Variants in ACVRL1 observed in about 807,000 individuals in gnomAD.
ACVRL1 encodes the protein activin receptor type-1-like.
ACVRL1 carries 20 observed loss-of-function variants against 51.9 expected under a neutral mutation model. That is an observed-to-expected ratio of 0.39 (90% confidence interval 0.27 to 0.56). The LOEUF is 0.56. ACVRL1 is among the 20% of genes least tolerant of loss of function. ACVRL1 has a pLI of 0.67. For synonymous variants in ACVRL1, 288 were observed against 280.9 expected (o/e 1.03, Z -0.25); for missense variants, 451 against 670.3 (o/e 0.67, Z 3.61).
rs1304733958 is a variant in ACVRL1, at chr12:51,911,449, G to C, written c.-5-1021G>C. Among the ~76,000 whole-genome samples, 3 of 152,316 alleles carry C rather than the reference G, an allele frequency of 2.0e-5. No homozygotes were observed. In the East Asian group the frequency reaches 5.8e-4, roughly 29 times the overall value. Reference sequence around the variant, plus strand: ...CACCCACCCTTTCCTAGATGGCAAGGGGAAAGAAGGGGGCCAGGGAACAGC... The same window carrying C: ...CACCCACCCTTTCCTAGATGGCAAGCGGAAAGAAGGGGGCCAGGGAACAGC... On this transcript the variant is annotated intron_variant, in intron 1 of 9. Coordinates refer to ENST00000388922, the MANE Select transcript of ACVRL1 (RefSeq NM_000020.3).
chr12:51,915,006 AGT>A (rs1940795939), intron 6 of ACVRL1, among the ~76,000 whole-genome samples: 1 of 152,074 alleles, frequency 6.6e-6, no homozygotes, highest in South Asian at 2.1e-4. Context: ...GGCCTCCCAA[AGT>A]GTTGGGATTA....
chr12:51,921,592 C>T lies in ACVRL1; in HGVS notation c.*699C>T, dbSNP rs1048659406. The T allele has an allele frequency of 1.3e-5, 2 of 156,504 alleles. No individual in the cohort carries two copies. Among genetic ancestry groups the T allele is most frequent in the African/African-American group, 4.8e-5 (2 of 41,476 alleles). 9.7% of individuals were successfully genotyped at this position (156,504 alleles called of 1,614,324 possible). On this transcript the variant is annotated 3_prime_UTR_variant, in exon 10 of 10. Transcript: ENST00000388922. ...CAGGTCAGATGGGCAAGGCCCAGGACTTTCAGATTAACTGAGAGGATATCG... is the reference window on the plus strand; with the variant it reads ...CAGGTCAGATGGGCAAGGCCCAGGATTTTCAGATTAACTGAGAGGATATCG...
intron 2 of ACVRL1, 134 bp from the exon 3 acceptor site, chr12:51,912,965 G>T: frequency 1.5e-6 from 2 of 1,320,524 alleles, no homozygotes; most frequent in Non-Finnish European, 2.1e-6. Context: ...GACTGAGGAT[G>T]AAAGTAAGAG....
chr12:51,913,053 G>T (rs1183772350), intron 2 of ACVRL1, 46 bp from the exon 3 acceptor site: 2 of 1,586,908 alleles, frequency 1.3e-6, no homozygotes, highest in Non-Finnish European at 8.5e-7. Flanking sequence ...GGCTCAGCCT[G>T]GGGGAGCTGG....
chr12:51,909,448 T>C (rs1326086966), intron 1 of ACVRL1, among the ~76,000 whole-genome samples: 3 of 152,076 alleles, frequency 2.0e-5, no homozygotes, highest in Non-Finnish European at 4.4e-5. Flanking sequence ...GAGCTATGAT[T>C]GCACCACTGC....
At chr12:51,920,424 T>G (rs1940945945) in intron 9 of ACVRL1, among the ~76,000 whole-genome samples, 1 of 152,106 alleles carries the variant, frequency 6.6e-6, no homozygotes, top group South Asian at 2.1e-4. Context: ...GGGGCTTGAG[T>G]GCTCCTGAAG....
intron 4 of ACVRL1, 31 bp from the exon 5 acceptor site, chr12:51,913,943 C>T (rs376402200): frequency 1.2e-6 from 2 of 1,607,418 alleles, no homozygotes; most frequent in African/African-American, 2.7e-5. Flanking sequence ...CTGGTTGTGG[C>T]AGCCTCTCAG....
At chr12:51,912,080 G>C (rs1407464174) in intron 1 of ACVRL1, among the ~76,000 whole-genome samples, 1 of 152,186 alleles carries the variant, frequency 6.6e-6, no homozygotes, top group African/African-American at 2.4e-5. Context: ...GGTGGAAGCT[G>C]TGAGGGAGTG....
At position 51,918,989 on chromosome 12, in the gene ACVRL1, C is replaced by T. The variant is rs879616457; in HGVS notation, c.1251C>T (p.Ile417=). 10 of 1,614,180 alleles carry T rather than the reference C, an allele frequency of 6.2e-6. No homozygotes were observed. Among genetic ancestry groups the T allele is most frequent in the South Asian group, 2.2e-5 (2 of 91,072 alleles). The change falls in exon 9 of 10, where the codon ATC becomes ATT. Residue 417 remains isoleucine, a synonymous_variant. Transcript: ENST00000388922. Reference sequence around the variant, plus strand: ...CTGTCCATTCTCCATTTCCAGGCATCGTGGAGGACTATAGACCACCCTTCT... The same window carrying T: ...CTGTCCATTCTCCATTTCCAGGCATTGTGGAGGACTATAGACCACCCTTCT... ...EIARRTIVNG[I]VEDYRPPFYD...
intron 1 of ACVRL1, among the ~76,000 whole-genome samples, chr12:51,908,195 T>C (rs1409229115): frequency 6.6e-6 from 1 of 152,144 alleles, no homozygotes; most frequent in African/African-American, 2.4e-5. Flanking sequence ...GCGCGCATGG[T>C]CAGTCACCTC....
chr12:51,911,070 G>A (rs1940679643), intron 1 of ACVRL1, among the ~76,000 whole-genome samples: 1 of 152,242 alleles, frequency 6.6e-6, no homozygotes, highest in East Asian at 1.9e-4. Flanking sequence ...GGCTCACCAT[G>A]TCATGCCAAA....
intron 2 of ACVRL1, 143 bp from the exon 3 acceptor site, chr12:51,912,956 A>T: frequency 8.0e-7 from 1 of 1,251,562 alleles, no homozygotes; most frequent in Non-Finnish European, 1.1e-6. Flanking sequence ...GGGAAGGATG[A>T]CTGAGGATGA....
Position 51,913,583 on chromosome 12 carries a change from C to A in ACVRL1, c.338C>A (p.Pro113Gln). The A allele has an allele frequency of 6.3e-7, 1 of 1,599,352 alleles. No individual in the cohort carries two copies. Among genetic ancestry groups the A allele is most frequent in the African/African-American group, 1.3e-5 (1 of 75,012 alleles). Residue 113 changes from proline (P) to glutamine (Q), a missense_variant, in exon 4 of 10, where the codon CCG becomes CAG. Physicochemically the swap from Pro to Gln is moderately conservative, Grantham distance 76. Transcript: ENST00000388922. ...GCCACCCAACCTCCTTCGGAGCAGC[C>A]GGGAACAGATGGCCAGCTGGCCCTG... ...LEATQPPSEQ[P>Q]GTDGQLALIL...
rs145288659 is a variant in ACVRL1, at chr12:51,907,860, C to T, written c.-6+165C>T. Among the ~76,000 whole-genome samples, 142 of 152,338 alleles carry T rather than the reference C, an allele frequency of 9.3e-4. No homozygotes were observed. The highest frequency in any genetic ancestry group is 1.5e-3 in the Non-Finnish European group (103 of 68,022). ...GCTCCTGGCTGACCACGCACAGCTC[C>T]CATGACCCTACCTGAGACTTGGAGG... On this transcript the variant is annotated intron_variant, in intron 1 of 9. Transcript: ENST00000388922. This position sits in a 1 kb window ranked among gnomAD's most constrained non-coding sequence, Gnocchi z 4.5.
intron 2 of ACVRL1, among the ~76,000 whole-genome samples, chr12:51,912,779 G>T (rs982037419): frequency 6.6e-6 from 1 of 152,272 alleles, no homozygotes; most frequent in Non-Finnish European, 1.5e-5. Context: ...AAGCCTATAT[G>T]TGGGGTGGAG....
At position 51,920,931 on chromosome 12, in the gene ACVRL1, T is replaced by TGGGGGGTGGGGGGGG; in HGVS notation, c.*44_*45insTGGGGGGGGGGGGGG. On this transcript the variant is annotated 3_prime_UTR_variant, in exon 10 of 10. Coordinates refer to ENST00000388922, the MANE Select transcript of ACVRL1 (RefSeq NM_000020.3). Reference sequence around the variant, plus strand: ...TGATTCCTTTCTGCCTGCAGGGGGCTGGGGGGGTGGGGGGCAGTGGATGGT... The same window carrying TGGGGGGTGGGGGGGG: ...TGATTCCTTTCTGCCTGCAGGGGGCTGGGGGGTGGGGGGGGGGGGGGGTGGGGGGCAGTGGATGGT... The TGGGGGGTGGGGGGGG allele has an allele frequency of 4.9e-6, 1 of 203,028 alleles. No homozygotes were observed. Among genetic ancestry groups the TGGGGGGTGGGGGGGG allele is most frequent in the Non-Finnish European group, 9.6e-6 (1 of 104,512 alleles). 12.6% of individuals were successfully genotyped at this position (203,028 alleles called of 1,614,324 possible). A position where few individuals can be genotyped will look rare whatever the true frequency, so the allele number is the denominator to read the frequency against.
intron 2 of ACVRL1, 63 bp from the exon 3 acceptor site, chr12:51,913,036 G>T (rs970566030): frequency 6.4e-7 from 1 of 1,570,194 alleles, no homozygotes; most frequent in Non-Finnish European, 8.6e-7. Context: ...GACAGAAATG[G>T]GTGTCGGGCT....
At chr12:51,915,647 G>A (rs1008912887) in intron 7 of ACVRL1, 147 bp downstream of exon 7, 11 of 1,123,476 alleles carry the variant, frequency 9.8e-6, no homozygotes, top group African/African-American at 1.6e-5. Flanking sequence ...AAGACCCCAC[G>A]AGTTGTCTGA....
intron 1 of ACVRL1, among the ~76,000 whole-genome samples, chr12:51,908,870 C>G (rs968946220): frequency 3.9e-5 from 6 of 152,228 alleles, no homozygotes; most frequent in Non-Finnish European, 8.8e-5. Context: ...AGCCCACACC[C>G]TAACCTCTGT....
Sources: allele counts gnomAD v4.1 joint callset (sites outside exome capture counted in the v4.1 genomes callset), GRCh38; gene constraint gnomAD v4.1.1; non-coding constraint Gnocchi (gnomAD v3.1); transcripts MANE v1.5; gene names NCBI Gene and HGNC (gene_info 2026-07-23, HGNC 2026-07-21).